ABCC1: variants seen among roughly 807,000 people sequenced by gnomAD.
ABCC1 encodes multidrug resistance-associated protein 1.
ABCC1 carries 83 observed loss-of-function variants against 172.9 expected under a neutral mutation model. That is an observed-to-expected ratio of 0.48 (90% CI 0.40 to 0.58). The LOEUF (loss-of-function observed/expected upper bound fraction) is 0.58. Among genes scored for constraint, ABCC1 ranks in the 20% least tolerant of loss-of-function variants. The probability of loss-of-function intolerance (pLI) is 0.00; values close to 1 mark genes in which losing one functional copy is unlikely to be tolerated. For missense variants in ABCC1, 1,817 were observed against 2,002.7 expected (o/e 0.91, Z 1.77); for synonymous variants, 937 against 825.2 (o/e 1.14, Z -2.32).
intron 15 of ABCC1, among the ~76,000 whole-genome samples, chr16:16,078,294 G>T (rs2050665172): frequency 6.6e-6 from 1 of 152,232 alleles, no homozygotes; most frequent in Non-Finnish European, 1.5e-5. Context: ...CTCTGGAGGT[G>T]CCGTCGGCAG....
At chr16:16,026,465 C>CT (rs1157942197) in intron 5 of ABCC1, among the ~76,000 whole-genome samples, 4,457 of 94,904 alleles carry the variant, frequency 0.047, 117 homozygotes, top group Middle Eastern at 0.086. Context: ...AGGCTATTTC[C>CT]TTTTTTTTTT....
intron 5 of ABCC1, among the ~76,000 whole-genome samples, chr16:16,029,541 A>G (rs537632278): frequency 5.9e-5 from 9 of 152,260 alleles, no homozygotes; most frequent in African/African-American, 2.2e-4. Context: ...GCTCTTTACC[A>G]TGCATTGCAT....
At chr16:16,132,024 A>G (rs1281536347) in intron 27 of ABCC1, 89 bp downstream of exon 27, 2 of 1,505,990 alleles carry the variant, frequency 1.3e-6, no homozygotes, top group East Asian at 2.3e-5. Context: ...GCGTCTCCCC[A>G]GTCACTCACG....
rs1050874538 is a variant in ABCC1, at chr16:15,970,685, T to G, written c.48+20886T>G. Among the ~76,000 whole-genome samples, 3 of 152,190 alleles carry G rather than the reference T, an allele frequency of 2.0e-5. 1 individual carries two copies. The highest frequency in any genetic ancestry group is 4.4e-5 in the Non-Finnish European group (3 of 68,028). ...ATCCTGTGGGAAGCCTTGGCAGCTT[T>G]CTTTCCCCCCTCCTTGCTTAGGCAT... On this transcript the variant is annotated intron_variant, in intron 1 of 30. Transcript: ENST00000399410.
chr16:16,106,563 A>T, intron 20 of ABCC1, 175 bp from the exon 21 acceptor site: 1 of 596,254 alleles, frequency 1.7e-6, no homozygotes, highest in Non-Finnish European at 2.6e-6. Context: ...AAACCTGGAG[A>T]GTGACATGGT....
intron 28 of ABCC1, among the ~76,000 whole-genome samples, chr16:16,135,369 AACC>A (rs1198292630): frequency 1.8e-4 from 27 of 152,150 alleles, no homozygotes; most frequent in Non-Finnish European, 3.8e-4. Flanking sequence ...CCATCTTTAC[AACC>A]ATGAGTACCC....
intron 24 of ABCC1, among the ~76,000 whole-genome samples, chr16:16,124,583 A>G (rs181157513): frequency 4.2e-4 from 64 of 152,232 alleles, no homozygotes; most frequent in Non-Finnish European, 7.8e-4. Context: ...ATTAATGAGG[A>G]TTTACTGGCC....
In ABCC1 at chr16:16,016,503, A is replaced by G. The variant is rs748260234; in HGVS notation, c.497A>G (p.Gln166Arg). 1.9e-6 allele frequency: 3 copies of G among 1,614,102 alleles called. No individual in the cohort carries two copies. The Admixed American group carries it at 5.0e-5, about 27-fold the overall frequency. Reference protein sequence around the residue: ...KIMTALKEDAQVDLFRDITFY... With the variant: ...KIMTALKEDARVDLFRDITFY... ...TCCTTCCCCACCATGTAGGATGCCC[A>G]GGTGGACCTGTTTCGTGACATCACT... Residue 166 changes from glutamine (Q) to arginine (R), a missense_variant, in exon 5 of 31, where the codon CAG (glutamine) becomes CGG (arginine). Gln to Arg is a conservative substitution (Grantham distance 43). Coordinates refer to ENST00000399410, the MANE Select transcript of ABCC1 (RefSeq NM_004996.4).
At chr16:15,995,723 G>A (rs8053946) in intron 1 of ABCC1, among the ~76,000 whole-genome samples, 13,701 of 152,112 alleles carry the variant, frequency 0.09, 705 homozygotes, top group Middle Eastern at 0.15. Context: ...GCTGGAGTTC[G>A]GTGGTGCAGT....
At position 16,018,481 on chromosome 16, in the gene ABCC1, G is replaced by A. The variant is rs75756508; in HGVS notation, c.615+1860G>A. The stretch of plus-strand genomic sequence containing the variant: ...GGAGAATCTCTTGACCCTGGGAGGC[G>A]GAGGTTGCAGTGAGCAGAGATCACA... On this transcript the variant is annotated intron_variant, in intron 5 of 30. Coordinates refer to ENST00000399410, the MANE Select transcript of ABCC1 (RefSeq NM_004996.4). 7.7e-4 allele frequency among the ~76,000 whole-genome samples: 117 copies of A among 152,210 alleles called. 2 individuals carry two copies. The East Asian group carries it at 0.013, about 17-fold the overall frequency.
chr16:16,035,821 T>C (rs2048732881), intron 6 of ABCC1, among the ~76,000 whole-genome samples: 1 of 151,476 alleles, frequency 6.6e-6, no homozygotes. Context: ...AATTTAAAAT[T>C]TTAAAAAGTT....
At chr16:16,131,669 G>T in intron 26 of ABCC1, 120 bp from the exon 27 acceptor site, 1 of 1,140,242 alleles carries the variant, frequency 8.8e-7, no homozygotes, top group Non-Finnish European at 1.2e-6. Flanking sequence ...CAACCCCCCA[G>T]TGCTGAGGCC....
rs373918076 is a variant in ABCC1 at position 16,011,949 on chromosome 16, A to T, written c.351+2048A>T. Among the ~76,000 whole-genome samples, 29 of 151,924 alleles carry T rather than the reference A, an allele frequency of 1.9e-4. 1 individual carries two copies. In the East Asian group the frequency reaches 5.3e-3, roughly 28 times the overall value. On this transcript the variant is annotated intron_variant, in intron 3 of 30. Coordinates refer to ENST00000399410, the MANE Select transcript of ABCC1 (RefSeq NM_004996.4). ...CCCCCAAAGTGCTGGGATTACAGGC[A>T]TGAGCCACCACCCCCGGCCAGTTTG...
intron 22 of ABCC1, among the ~76,000 whole-genome samples, chr16:16,113,114 G>C (rs1460324494): frequency 6.6e-6 from 1 of 152,196 alleles, no homozygotes; most frequent in Non-Finnish European, 1.5e-5. Context: ...ATCTCCAGGA[G>C]GTGGCTTTGG....
rs570464235 is a variant in ABCC1, at chr16:15,997,293, A to C, written c.49-10523A>C. 6.4e-4 allele frequency among the ~76,000 whole-genome samples: 98 copies of C among 152,186 alleles called. 1 individual carries two copies. Among genetic ancestry groups the C allele is most frequent in the African/African-American group, 2.3e-3 (96 of 41,544 alleles). On this transcript the variant is annotated intron_variant, in intron 1 of 30. Transcript: ENST00000399410. ...TTTTTAGTAGAGACGGGGTTTCACCATGTTAGCCAGGATGGTCTTGATCTC... is the reference window on the plus strand; with the variant it reads ...TTTTTAGTAGAGACGGGGTTTCACCCTGTTAGCCAGGATGGTCTTGATCTC...
chr16:15,971,340 G>A (rs1318109644), intron 1 of ABCC1, among the ~76,000 whole-genome samples: 3 of 152,180 alleles, frequency 2.0e-5, no homozygotes, highest in Non-Finnish European at 4.4e-5. Context: ...AGGAACATGT[G>A]GGGAAAGGGC....
At chr16:16,072,140 AG>A (rs766003047) in intron 14 of ABCC1, among the ~76,000 whole-genome samples, 21 of 151,670 alleles carry the variant, frequency 1.4e-4, no homozygotes, top group Admixed American at 1.4e-3. Context: ...TATCTAGATA[AG>A]GGAAACAAAA....
At chr16:16,103,656 C>T (rs1023758210) in intron 20 of ABCC1, among the ~76,000 whole-genome samples, 1 of 152,126 alleles carries the variant, frequency 6.6e-6, no homozygotes, top group Non-Finnish European at 1.5e-5. Context: ...AAAGTCGGAG[C>T]CTAAACGTAT....
intron 5 of ABCC1, among the ~76,000 whole-genome samples, chr16:16,019,661 TC>T (rs1488623623): frequency 6.6e-6 from 1 of 152,150 alleles, no homozygotes; most frequent in Non-Finnish European, 1.5e-5. Context: ...CTTTCACTTC[TC>T]CCCTGGGCGT....
Sources: allele counts gnomAD v4.1 joint callset (sites outside exome capture counted in the v4.1 genomes callset), GRCh38; gene constraint gnomAD v4.1.1; transcripts MANE v1.5; gene names NCBI Gene and HGNC (gene_info 2026-07-23, HGNC 2026-07-21).